PLCB1: variants seen among roughly 807,000 people sequenced by gnomAD.
PLCB1 encodes 1-phosphatidylinositol 4,5-bisphosphate phosphodiesterase beta-1.
PLCB1 carries 46 observed loss-of-function variants against 161.8 expected under a neutral mutation model. The observed-to-expected ratio is 0.28, with a 90% CI of 0.22 to 0.36. The LOEUF (loss-of-function observed/expected upper bound fraction) is 0.36, where lower values mean the gene tolerates loss of function less well. Among genes scored for constraint, PLCB1 ranks in the 10% least tolerant of loss-of-function variants. The pLI, the probability that PLCB1 is intolerant of heterozygous loss-of-function variation, is 1.00. For missense variants in PLCB1, 1,016 were observed against 1,472.5 expected (o/e 0.69, Z 5.07); for synonymous variants, 517 against 503.7 (o/e 1.03, Z -0.35).
At chr20:8,231,581 CTG>C (rs1980040639) in intron 2 of PLCB1, among the ~76,000 whole-genome samples, 1 of 152,204 alleles carries the variant, frequency 6.6e-6, no homozygotes, top group African/African-American at 2.4e-5. Flanking sequence ...ATTAGGAAAT[CTG>C]TTGTCAGCAG....
intron 2 of PLCB1, among the ~76,000 whole-genome samples, chr20:8,363,675 C>T (rs1986615167): frequency 6.6e-6 from 1 of 152,096 alleles, no homozygotes; most frequent in African/African-American, 2.4e-5. Flanking sequence ...AGGTCCCTCT[C>T]ACACTCAGAG....
chr20:8,150,438 T>C lies in PLCB1; in HGVS notation c.177+67T>C. On this transcript the variant is annotated intron_variant, in intron 2 of 31. Transcript: ENST00000338037. The stretch of plus-strand genomic sequence containing the variant: ...TACTACTTTGAAAAGTATTTATGTA[T>C]CTTATCTATAGAAGAACATCCATTT... 1.2e-5 allele frequency: 8 copies of C among 678,400 alleles called. No homozygotes were observed. In the South Asian group the frequency reaches 1.7e-4, roughly 14 times the overall value. The allele number at this position is 678,400 out of a possible 1,614,324, so 42.0% of individuals were successfully genotyped here. A position where few individuals can be genotyped will look rare whatever the true frequency, so the allele number is the denominator to read the frequency against.
chr20:8,587,166 C>T (rs960453216), intron 3 of PLCB1, among the ~76,000 whole-genome samples: 5 of 136,272 alleles, frequency 3.7e-5, no homozygotes, highest in Non-Finnish European at 6.1e-5. Flanking sequence ...AACGCCAGCA[C>T]TATCAATTAA....
intron 3 of PLCB1, among the ~76,000 whole-genome samples, chr20:8,550,337 C>T (rs548808598): frequency 9.9e-5 from 15 of 152,220 alleles, no homozygotes; most frequent in Admixed American, 5.2e-4. Context: ...TTGTAATAAT[C>T]CCCATGTGTC....
At chr20:8,733,461 T>C in intron 19 of PLCB1, 69 bp downstream of exon 19, 2 of 1,328,574 alleles carry the variant, frequency 1.5e-6, no homozygotes, top group South Asian at 2.6e-5. Context: ...CATAAAGAAG[T>C]GGCTTAGTCA....
At chr20:8,420,827 A>G (rs1979508476) in intron 3 of PLCB1, among the ~76,000 whole-genome samples, 1 of 152,230 alleles carries the variant, frequency 6.6e-6, no homozygotes, top group Non-Finnish European at 1.5e-5. Flanking sequence ...AGGTATTCCA[A>G]GTATATCTGT....
intron 10 of PLCB1, among the ~76,000 whole-genome samples, chr20:8,687,021 T>TTATTAG (rs1990376066): frequency 6.6e-6 from 1 of 150,802 alleles, no homozygotes; most frequent in African/African-American, 2.4e-5. Flanking sequence ...CCAATTTAAA[T>TTATTAG]TATTATTATT....
At chr20:8,454,234 G>T (rs62197589) in intron 3 of PLCB1, among the ~76,000 whole-genome samples, 3 of 152,194 alleles carry the variant, frequency 2.0e-5, no homozygotes, top group Admixed American at 2.0e-4. Flanking sequence ...CCAGGCATGT[G>T]ACTGCAGCAG....
chr20:8,835,774 G>A (rs1986254405), intron 31 of PLCB1, among the ~76,000 whole-genome samples: 1 of 150,640 alleles, frequency 6.6e-6, no homozygotes, highest in Non-Finnish European at 1.5e-5. Context: ...GTCCAAAGCA[G>A]ACGACTCTAA....
At chr20:8,428,651 T>C (rs1809559570) in intron 3 of PLCB1, among the ~76,000 whole-genome samples, 2 of 152,218 alleles carry the variant, frequency 1.3e-5, no homozygotes, top group African/African-American at 4.8e-5. Context: ...AACGACGATT[T>C]CACTGCAAAG....
At chr20:8,693,003 C>T (rs1990513928) in intron 10 of PLCB1, among the ~76,000 whole-genome samples, 1 of 151,962 alleles carries the variant, frequency 6.6e-6, no homozygotes, top group Non-Finnish European at 1.5e-5. Flanking sequence ...GCAGAGAAGA[C>T]CCTGAAGCAT....
At position 8,647,843 on chromosome 20, in the gene PLCB1, A is replaced by C; in HGVS notation, c.465-57A>C. On this transcript the variant is annotated intron_variant, in intron 5 of 31. Transcript: ENST00000338037. ...CTTTTTTGAGTGTATTTTATTGTTC[A>C]AGAAAAAAAAGCTTTTTTAAAAAAA... 3.6e-6 allele frequency: 5 copies of C among 1,378,110 alleles called. No homozygotes were observed. In the South Asian group the frequency reaches 5.8e-5, roughly 16 times the overall value. 85.4% of individuals were successfully genotyped at this position (1,378,110 alleles called of 1,614,324 possible).
At chr20:8,684,183 C>T (rs1600249240) in intron 9 of PLCB1, among the ~76,000 whole-genome samples, 1 of 151,160 alleles carries the variant, frequency 6.6e-6, no homozygotes, top group East Asian at 2.0e-4. Flanking sequence ...CGCGCCCAGC[C>T]CCAAAAACAC....
chr20:8,401,063 A>AT (rs1363077213), intron 3 of PLCB1, among the ~76,000 whole-genome samples: 9 of 152,128 alleles, frequency 5.9e-5, no homozygotes, highest in Non-Finnish European at 1.2e-4. Flanking sequence ...GTTTGATTGA[A>AT]TTTTTTTGAT....
intron 31 of PLCB1, among the ~76,000 whole-genome samples, chr20:8,878,491 A>G (rs1185590910): frequency 6.6e-6 from 1 of 152,192 alleles, no homozygotes; most frequent in Non-Finnish European, 1.5e-5. Flanking sequence ...AGTGACTCGT[A>G]TGTGCCAACA....
chr20:8,633,707 A>T (rs1300974671), intron 4 of PLCB1, among the ~76,000 whole-genome samples: 3 of 152,052 alleles, frequency 2.0e-5, no homozygotes, highest in African/African-American at 7.2e-5. Flanking sequence ...CTTACTCCAT[A>T]CCCTGATGGA....
chr20:8,270,789 T>C (rs1234824395), intron 2 of PLCB1, among the ~76,000 whole-genome samples: 2 of 152,164 alleles, frequency 1.3e-5, no homozygotes, highest in Admixed American at 1.3e-4. Flanking sequence ...AAGTGAATAC[T>C]GGTAGAAGAT....
intron 3 of PLCB1, among the ~76,000 whole-genome samples, chr20:8,609,409 A>G (rs1987843921): frequency 6.6e-6 from 1 of 152,210 alleles, no homozygotes; most frequent in African/African-American, 2.4e-5. Context: ...AGTGAGGTAC[A>G]GTTTAAGAGA....
chr20:8,566,720 C>A (rs2123038923), intron 3 of PLCB1, among the ~76,000 whole-genome samples: 1 of 151,774 alleles, frequency 6.6e-6, no homozygotes, highest in East Asian at 1.9e-4. Context: ...GGCTACATAT[C>A]TATAGTACTT....
Sources: gnomAD v4.1 joint callset for allele counts (sites outside exome capture counted in the v4.1 genomes callset) on GRCh38, gnomAD v4.1.1 for gene constraint, MANE v1.5 for transcripts, NCBI Gene and HGNC (gene_info 2026-07-23, HGNC 2026-07-21) for gene names.